The following SLC60A1 variants were observed in gnomAD, a reference collection of about 807,000 sequenced individuals.
SLC60A1 encodes major facilitator superfamily domain containing 4.
the SLC60A1 span, chr1:205,586,318 G>A: frequency 7.7e-7 from 1 of 1,292,330 alleles, no homozygotes; most frequent in South Asian, 1.3e-5. Context: ...AGCAGGATGG[G>A]AACTCAGGAG....
chr1:205,599,303 G>T, the SLC60A1 span: 1 of 1,602,830 alleles, frequency 6.2e-7, no homozygotes, highest in Non-Finnish European at 8.5e-7. Context: ...AGCCGGGGTC[G>T]GGGAGCGGGG....
At chr1:205,590,934 G>T in the SLC60A1 span, among the ~76,000 whole-genome samples, 2 of 152,120 alleles carry the variant, frequency 1.3e-5, no homozygotes, top group Admixed American at 1.3e-4. Context: ...TGTGGCTTTT[G>T]TAACTATTCC....
At chr1:205,571,708 C>T in the SLC60A1 span, among the ~76,000 whole-genome samples, 3 of 152,196 alleles carry the variant, frequency 2.0e-5, no homozygotes, top group Admixed American at 1.3e-4. Flanking sequence ...TCCCATCCCC[C>T]CAGCCAGAAG....
the SLC60A1 span, among the ~76,000 whole-genome samples, chr1:205,569,953 A>C: frequency 2.0e-5 from 3 of 151,394 alleles, no homozygotes; most frequent in African/African-American, 7.3e-5. Flanking sequence ...CGAGACACAC[A>C]GGACCTCACC....
At chr1:205,593,023 A>T in the SLC60A1 span, among the ~76,000 whole-genome samples, 29 of 152,274 alleles carry the variant, frequency 1.9e-4, no homozygotes, top group African/African-American at 7.0e-4. Flanking sequence ...CTTTGATGTC[A>T]GAAATCTCTA....
chr1:205,589,532 G>C, the SLC60A1 span, among the ~76,000 whole-genome samples: 101 of 152,196 alleles, frequency 6.6e-4, 1 homozygote, highest in African/African-American at 2.3e-3. Flanking sequence ...ATTTATTCAT[G>C]CTATGAAGTA....
the SLC60A1 span, among the ~76,000 whole-genome samples, chr1:205,581,978 A>G: frequency 6.6e-6 from 1 of 152,220 alleles, no homozygotes; most frequent in African/African-American, 2.4e-5. This position sits in a 1 kb window ranked among gnomAD's most constrained non-coding sequence, Gnocchi z 4.2. Context: ...GACCCTCAGC[A>G]TAGACCATCT....
At chr1:205,596,386 A>C in the SLC60A1 span, among the ~76,000 whole-genome samples, 1 of 151,804 alleles carries the variant, frequency 6.6e-6, no homozygotes, top group Non-Finnish European at 1.5e-5. Flanking sequence ...ACTAGGACCT[A>C]AAAGATCAAT....
chr1:205,598,999 A>G, the SLC60A1 span: 1 of 1,206,314 alleles, frequency 8.3e-7, no homozygotes, highest in Non-Finnish European at 1.2e-6. Context: ...CCTCCCCGTG[A>G]TTCCATCTCT....
chr1:205,597,341 C>T, the SLC60A1 span, among the ~76,000 whole-genome samples: 1 of 136,956 alleles, frequency 7.3e-6, no homozygotes, highest in Non-Finnish European at 1.5e-5. Flanking sequence ...GCCAGGCCAT[C>T]TTCCAGAGGT....
chr1:205,600,561 TG>T, the SLC60A1 span: 1 of 1,175,842 alleles, frequency 8.5e-7, no homozygotes, highest in Non-Finnish European at 1.3e-6. Context: ...GCTCTCTCAA[TG>T]GCTATTCAAG....
chr1:205,597,373 G>GTTTT, the SLC60A1 span, among the ~76,000 whole-genome samples: 3 of 37,216 alleles, frequency 8.1e-5, no homozygotes, highest in East Asian at 9.2e-4. Flanking sequence ...AACCTAGGTT[G>GTTTT]TTTTTTTTTT....
the SLC60A1 span, among the ~76,000 whole-genome samples, chr1:205,591,868 A>G: frequency 6.6e-6 from 1 of 152,234 alleles, no homozygotes; most frequent in Non-Finnish European, 1.5e-5. Flanking sequence ...CCAAATGCTT[A>G]CGCAGCGTGT....
the SLC60A1 span, chr1:205,585,946 C>T: frequency 6.9e-6 from 10 of 1,438,980 alleles, no homozygotes; most frequent in Non-Finnish European, 7.4e-6. This position sits in a 1 kb window ranked among gnomAD's most constrained non-coding sequence, Gnocchi z 4.2. Context: ...TCTGCCCTCC[C>T]CACACCTGCC....
the SLC60A1 span, chr1:205,592,245 C>T: frequency 6.2e-7 from 1 of 1,614,154 alleles, no homozygotes; most frequent in East Asian, 2.2e-5. Context: ...CAGCACCTTC[C>T]CCAGCATGCT....
chr1:205,569,638 T>TA, the SLC60A1 span, among the ~76,000 whole-genome samples: 4 of 152,082 alleles, frequency 2.6e-5, no homozygotes, highest in African/African-American at 9.7e-5. Flanking sequence ...AGAGGAGTGA[T>TA]AGAGTTTGCA....
chr1:205,599,284 G>A, the SLC60A1 span: 1 of 1,611,406 alleles, frequency 6.2e-7, no homozygotes, highest in Non-Finnish European at 8.5e-7. Context: ...CACAAGAGGA[G>A]GAAAACAGAG....
chr1:205,590,643 C>T, the SLC60A1 span, among the ~76,000 whole-genome samples: 1 of 152,186 alleles, frequency 6.6e-6, no homozygotes, highest in Non-Finnish European at 1.5e-5. Context: ...AGGATCGGCT[C>T]CCAACCCTGA....
At chr1:205,577,581 A>G in the SLC60A1 span, among the ~76,000 whole-genome samples, 1 of 152,130 alleles carries the variant, frequency 6.6e-6, no homozygotes, top group African/African-American at 2.4e-5. The surrounding 1 kb of genome is among the most constrained non-coding windows in gnomAD (Gnocchi z 5.2). Flanking sequence ...TAGCCTTGCC[A>G]TTCAACGCTC....
Sources: gnomAD v4.1 joint callset for allele counts (sites outside exome capture counted in the v4.1 genomes callset) on GRCh38, gnomAD v4.1.1 for gene constraint, Gnocchi (gnomAD v3.1) non-coding constraint, MANE v1.5 for transcripts, NCBI Gene and HGNC (gene_info 2026-07-23, HGNC 2026-07-21) for gene names.